The following SYNE2 variants were observed in gnomAD, a reference collection of about 807,000 sequenced individuals.
SYNE2 encodes nesprin-2.
A neutral mutation model predicts 856.3 loss-of-function variants in SYNE2; 431 were observed. The observed-to-expected ratio is 0.50, with a 90% confidence interval of 0.47 to 0.55. The LOEUF is 0.55. SYNE2 is among the 20% of genes least tolerant of loss of function. SYNE2 has a pLI of 0.00. For synonymous variants in SYNE2, 2,923 were observed against 2,872.3 expected, an observed-to-expected ratio of 1.02 and a Z score of -0.56; for missense variants, 8,129 against 8,023.2, an observed-to-expected ratio of 1.01 and a Z score of -0.50.
At chr14:64,102,297 A>G (rs2097737486) in intron 64 of SYNE2, among the ~76,000 whole-genome samples, 2 of 152,114 alleles carry the variant, frequency 1.3e-5, no homozygotes, top group African/African-American at 4.8e-5. Flanking sequence ...TTGTATTTGT[A>G]GTAGAGACGG....
intron 30 of SYNE2, 42 bp downstream of exon 30, chr14:64,003,372 C>A (rs2096769855): frequency 1.2e-6 from 2 of 1,612,512 alleles, no homozygotes; most frequent in Non-Finnish European, 1.7e-6. Flanking sequence ...TGACTGACAT[C>A]TTTCTGTATT....
In SYNE2 at chr14:64,202,865, C is replaced by T. The variant is rs748944053; in HGVS notation, c.18103C>T (p.Arg6035Cys). The change falls in exon 100 of 116, where the codon CGC becomes TGC. Residue 6035 changes from arginine (R) to cysteine (C), a missense_variant. Coordinates refer to ENST00000555002, the MANE Select transcript of SYNE2 (RefSeq NM_182914.3). ...GTTGGACAAAAACATGAGCAACCTT[C>T]GCACCTGGTTGGCTCGAATTGAGTC... The part of the protein sequence containing the change: ...QQLDKNMSNL[R>C]TWLARIESEL... 8.1e-6 allele frequency: 13 copies of T among 1,614,034 alleles called. No homozygotes were observed. In the South Asian group the frequency reaches 8.8e-5, roughly 11 times the overall value.
chr14:64,115,160 T>A (rs1161775901), intron 66 of SYNE2, among the ~76,000 whole-genome samples: 1 of 152,236 alleles, frequency 6.6e-6, no homozygotes, highest in Non-Finnish European at 1.5e-5. Flanking sequence ...TCGTTGATTA[T>A]CACCAGAATC....
chr14:63,933,344 G>A (rs928063283), intron 2 of SYNE2, among the ~76,000 whole-genome samples: 2 of 152,132 alleles, frequency 1.3e-5, no homozygotes, highest in Admixed American at 1.3e-4. Flanking sequence ...TAGTAGCCAT[G>A]GTAGTTTCAT....
intron 22 of SYNE2, among the ~76,000 whole-genome samples, 163 bp from the exon 23 acceptor site, chr14:63,994,881 G>A (rs1239079838): frequency 3.9e-5 from 6 of 152,088 alleles, no homozygotes; most frequent in Non-Finnish European, 7.4e-5. Flanking sequence ...ATGAGCCTGG[G>A]ATGTTTTAAA....
chr14:63,984,033 G>A (rs2096606210), intron 18 of SYNE2, 147 bp downstream of exon 18: 1 of 608,018 alleles, frequency 1.6e-6, no homozygotes, highest in Non-Finnish European at 2.8e-6. Flanking sequence ...CTTGAACTCA[G>A]GAGTTCGAAA....
intron 14 of SYNE2, among the ~76,000 whole-genome samples, chr14:63,980,417 T>A (rs1258511169): frequency 6.6e-6 from 1 of 152,220 alleles, no homozygotes; most frequent in Non-Finnish European, 1.5e-5. Flanking sequence ...TAGCACCATG[T>A]CACCACATTA....
chr14:63,999,006 G>A lies in SYNE2; in HGVS notation c.3446G>A (p.Ser1149Asn), dbSNP rs1594767914. 6.2e-7 allele frequency: 1 copy of A among 1,613,816 alleles called. No homozygotes were observed. The highest frequency in any genetic ancestry group is 8.5e-7 in the Non-Finnish European group (1 of 1,179,688). Residue 1149 changes from serine to asparagine, a missense_variant, in exon 27 of 116, where the codon AGT becomes AAT. Transcript: ENST00000555002. ...TTCTCTAGTGAAGAGGACAGGAGTA[G>A]TTCTTGTCTGCAGGCTAAACTGACA... is the stretch of plus-strand genomic sequence containing the variant. Reference protein sequence around the residue: ...SDFSSEEDRSSSCLQAKLTDL... With the variant: ...SDFSSEEDRSNSCLQAKLTDL...
intron 1 of SYNE2, among the ~76,000 whole-genome samples, chr14:63,769,394 C>T (rs1453363628): frequency 6.6e-6 from 1 of 152,146 alleles, no homozygotes; most frequent in African/African-American, 2.4e-5. Context: ...GGAGACCAGG[C>T]ACAGTGGCTC....
At chr14:63,762,574 A>G (rs1183177192) in intron 1 of SYNE2, among the ~76,000 whole-genome samples, 1 of 144,276 alleles carries the variant, frequency 6.9e-6, no homozygotes, top group Non-Finnish European at 1.5e-5. Context: ...TATTGTGGTT[A>G]TGTAGGATAA....
In SYNE2 at chr14:64,022,912, C is replaced by T. The variant is rs758301511; in HGVS notation, c.5637+49C>T. On this transcript the variant is annotated intron_variant, in intron 38 of 115. Coordinates refer to ENST00000555002, the MANE Select transcript of SYNE2 (RefSeq NM_182914.3). The stretch of plus-strand genomic sequence containing the variant: ...AATAAAAATTTTCAATACTAAAATA[C>T]TGGAGGCATAGAACTGTATCAAAAT... 7.7e-5 allele frequency: 73 copies of T among 953,428 alleles called. No individual in the cohort carries two copies. In the Middle Eastern group the frequency reaches 3.0e-3, roughly 39 times the overall value. 59.1% of individuals were successfully genotyped at this position (953,428 alleles called of 1,614,324 possible). A position where few individuals can be genotyped will look rare whatever the true frequency, so the allele number is the denominator to read the frequency against.
chr14:63,850,585 CT>C (rs35995083), upstream of SYNE2, among the ~76,000 whole-genome samples: 84,819 of 151,820 alleles, frequency 0.56, 24,184 homozygotes, highest in South Asian at 0.66. Flanking sequence ...TTGATTATCA[CT>C]TCAAAGTACA....
chr14:63,766,081 A>AT (rs543776173), intron 1 of SYNE2, among the ~76,000 whole-genome samples: 2,556 of 138,596 alleles, frequency 0.018, 70 homozygotes, highest in African/African-American at 0.056. Flanking sequence ...TCTTGAGTGG[A>AT]TTTTTTTTTT....
intron 1 of SYNE2, among the ~76,000 whole-genome samples, chr14:63,843,974 C>T (rs572882117): frequency 6.6e-6 from 1 of 152,248 alleles, no homozygotes; most frequent in African/African-American, 2.4e-5. Flanking sequence ...CACAGCTTTC[C>T]CCGCTATCAG....
chr14:63,945,096 C>T (rs1165100748), intron 6 of SYNE2, among the ~76,000 whole-genome samples: 3 of 133,544 alleles, frequency 2.2e-5, no homozygotes, highest in African/African-American at 5.6e-5. Context: ...TGAGCCACCA[C>T]ACCTGGCCTT....
intron 78 of SYNE2, among the ~76,000 whole-genome samples, chr14:64,136,475 A>G (rs2098090480): frequency 6.6e-6 from 1 of 151,976 alleles, no homozygotes; most frequent in African/African-American, 2.4e-5. Flanking sequence ...TGGACGTGGA[A>G]TTTTTTGGTA....
At chr14:63,986,249 A>C (rs2096624721) in intron 18 of SYNE2, among the ~76,000 whole-genome samples, 1 of 152,098 alleles carries the variant, frequency 6.6e-6, no homozygotes, top group South Asian at 2.1e-4. Context: ...ACAGGCATGC[A>C]CCATTATGCC....
chr14:64,174,425 C>T (rs751477782), intron 94 of SYNE2, among the ~76,000 whole-genome samples: 4 of 152,184 alleles, frequency 2.6e-5, no homozygotes, highest in South Asian at 2.1e-4. Context: ...ACATGATATT[C>T]GGATGAAATT....
In SYNE2 at chr14:63,983,387, C is replaced by A. The variant is rs1026587080; in HGVS notation, c.2002-350C>A. On this transcript the variant is annotated intron_variant, in intron 17 of 115. Coordinates refer to ENST00000555002, the MANE Select transcript of SYNE2 (RefSeq NM_182914.3). ...CCTGAGAGATCTTTTAATTCTTGAA[C>A]CCTTTTTACTGTAGAGCTTTCTAGT... 2.0e-5 allele frequency among the ~76,000 whole-genome samples: 3 copies of A among 152,024 alleles called. No individual in the cohort carries two copies. The East Asian group carries it at 5.8e-4, about 29-fold the overall frequency.
Sources: allele counts gnomAD v4.1 joint callset (sites outside exome capture counted in the v4.1 genomes callset), GRCh38; gene constraint gnomAD v4.1.1; transcripts MANE v1.5; gene names NCBI Gene and HGNC (gene_info 2026-07-23, HGNC 2026-07-21).